FAM81B: variants seen among roughly 807,000 people sequenced by gnomAD.
The protein encoded by FAM81B is protein FAM81B.
In FAM81B, 60 loss-of-function variants were observed where a neutral mutation model predicts 58.7. That is an observed-to-expected ratio of 1.02 (90% CI 0.83 to 1.27). The LOEUF (loss-of-function observed/expected upper bound fraction) is 1.27, where lower values mean the gene tolerates loss of function less well. Ranked by LOEUF, FAM81B falls within the 50% of genes most tolerant of loss-of-function variation. FAM81B has a pLI of 0.00. For missense variants in FAM81B, 491 were observed against 522.0 expected (o/e 0.94, Z 0.58); for synonymous variants, 189 against 179.6 (o/e 1.05, Z -0.42).
chr5:95,391,634 A>AGGT, intron 1 of FAM81B, 121 bp downstream of exon 1: 1 of 1,112,206 alleles, frequency 9.0e-7, no homozygotes, highest in Non-Finnish European at 1.2e-6. Context: ...CTTGGGCACA[A>AGGT]CAGAGTAATA....
intron 6 of FAM81B, among the ~76,000 whole-genome samples, chr5:95,432,361 G>T (rs922571290): frequency 2.6e-5 from 4 of 151,930 alleles, no homozygotes; most frequent in African/African-American, 4.8e-5. Flanking sequence ...ATCGTTTTCA[G>T]ATTTTGGAAT....
Position 95,417,385 on chromosome 5 carries a change from C to T in FAM81B, c.538-2899C>T, listed in dbSNP as rs551710601. ...TTAAAGTAACAATTTTGGCTGAGTGCCTGTGGCTCACAACTGTGATCCCAG... is the reference window on the plus strand; with the variant it reads ...TTAAAGTAACAATTTTGGCTGAGTGTCTGTGGCTCACAACTGTGATCCCAG... On this transcript the variant is annotated intron_variant, in intron 4 of 9. Transcript: ENST00000283357. Among the ~76,000 whole-genome samples the T allele has an allele frequency of 3.3e-5, 5 of 152,136 alleles. No individual in the cohort carries two copies. The South Asian group carries it at 8.3e-4, about 25-fold the overall frequency.
At chr5:95,397,762 T>C (rs907279716) in intron 3 of FAM81B, among the ~76,000 whole-genome samples, 1 of 152,260 alleles carries the variant, frequency 6.6e-6, no homozygotes, top group African/African-American at 2.4e-5. Context: ...CTTCTCTTAC[T>C]ATCTAAACCA....
intron 3 of FAM81B, among the ~76,000 whole-genome samples, chr5:95,411,090 A>G (rs899908162): frequency 4.5e-4 from 69 of 152,322 alleles, no homozygotes; most frequent in South Asian, 2.1e-4. Context: ...TGTCATGTTC[A>G]TGTATAAAAA....
intron 3 of FAM81B, among the ~76,000 whole-genome samples, chr5:95,400,433 T>TACATACATACATACACACACAC (rs778492178): frequency 7.2e-6 from 1 of 137,998 alleles, no homozygotes; most frequent in African/African-American, 3.0e-5. Flanking sequence ...CATACATACA[T>TACATACATACATACACACACAC]ACACACACAC....
intron 7 of FAM81B, among the ~76,000 whole-genome samples, chr5:95,445,102 C>T (rs1321816645): frequency 6.6e-6 from 1 of 152,110 alleles, no homozygotes; most frequent in Non-Finnish European, 1.5e-5. Context: ...TAATAATTAG[C>T]CCAAACACTT....
At chr5:95,410,307 C>T (rs914790773) in intron 3 of FAM81B, among the ~76,000 whole-genome samples, 1 of 152,152 alleles carries the variant, frequency 6.6e-6, no homozygotes, top group Non-Finnish European at 1.5e-5. Context: ...ATGACTTCCT[C>T]AGTCAGCTGC....
intron 6 of FAM81B, among the ~76,000 whole-genome samples, chr5:95,436,100 T>A (rs1436846524): frequency 6.6e-6 from 1 of 152,352 alleles, no homozygotes; most frequent in African/African-American, 2.4e-5. Flanking sequence ...AGTTTAGGCA[T>A]GATTATGGGT....
chr5:95,418,101 G>A (rs147399264), intron 4 of FAM81B, among the ~76,000 whole-genome samples: 25 of 152,300 alleles, frequency 1.6e-4, no homozygotes, highest in African/African-American at 5.5e-4. Context: ...GCTGTTCTGA[G>A]TAGCGGGATG....
chr5:95,450,376 G>T lies in FAM81B; in HGVS notation c.*94G>T. ...AGTTACTATCTCTGGGATGTTTACT[G>T]CTTCTAATGTCTCCTTTTAAGGAGA... On this transcript the variant is annotated 3_prime_UTR_variant, in exon 10 of 10. Coordinates refer to ENST00000283357, the MANE Select transcript of FAM81B (RefSeq NM_152548.3). 1 of 1,558,132 alleles carries T rather than the reference G, an allele frequency of 6.4e-7. No individual in the cohort carries two copies. Among genetic ancestry groups the T allele is most frequent in the Non-Finnish European group, 8.6e-7 (1 of 1,159,344 alleles).
chr5:95,440,052 C>A, intron 7 of FAM81B: 2 of 445,108 alleles, frequency 4.5e-6, no homozygotes. Flanking sequence ...TAAGGTTAAC[C>A]TTTGTTTGGC....
At position 95,391,445 on chromosome 5, in the gene FAM81B, A is replaced by T; in HGVS notation, c.56A>T (p.Gln19Leu). ...LASSEKRKKS[Q>L]RLFFKNIKST... is the part of the protein sequence containing the mutation. ...TCCTCAGAAAAAAGAAAAAAATCAC[A>T]GAGATTGTTTTTCAAAAATATCAAA... Residue 19 changes from glutamine to leucine, a missense_variant, in exon 1 of 10, where the codon CAG becomes CTG. Transcript: ENST00000283357. The T allele has an allele frequency of 2.5e-6, 4 of 1,613,764 alleles. No homozygotes were observed. Among genetic ancestry groups the T allele is most frequent in the Non-Finnish European group, 3.4e-6 (4 of 1,179,742 alleles).
At chr5:95,414,471 T>C (rs540346699) in intron 4 of FAM81B, among the ~76,000 whole-genome samples, 1 of 152,352 alleles carries the variant, frequency 6.6e-6, no homozygotes, top group East Asian at 1.9e-4. Flanking sequence ...AAGATGCTTA[T>C]GTTAGCCTAA....
At position 95,415,844 on chromosome 5, in the gene FAM81B, G is replaced by A. The variant is rs376290874; in HGVS notation, c.537+1654G>A. 1.7e-4 allele frequency among the ~76,000 whole-genome samples: 26 copies of A among 152,210 alleles called. 1 individual carries two copies. The highest frequency in any genetic ancestry group is 5.8e-4 in the East Asian group (3 of 5,184). ...CCCAGATGTACACTTTGACTTGTGCGTTCAATACATATTATACCCCAGTAA... is the reference window on the plus strand; with the variant it reads ...CCCAGATGTACACTTTGACTTGTGCATTCAATACATATTATACCCCAGTAA... On this transcript the variant is annotated intron_variant, in intron 4 of 9. Transcript: ENST00000283357.
At chr5:95,426,092 G>GTA (rs201172690) in intron 5 of FAM81B, among the ~76,000 whole-genome samples, 5,490 of 84,444 alleles carry the variant, frequency 0.065, 163 homozygotes, top group Admixed American at 0.086. Flanking sequence ...CTATCTCTGT[G>GTA]TGTATATATA....
chr5:95,397,056 C>T (rs1761982872), intron 3 of FAM81B: 1 of 152,184 alleles, frequency 6.6e-6, no homozygotes, highest in Non-Finnish European at 1.5e-5. Context: ...ACACCTTGAA[C>T]TTCGATTTTT....
intron 9 of FAM81B, among the ~76,000 whole-genome samples, chr5:95,449,251 C>T (rs1582836072): frequency 6.6e-6 from 1 of 152,258 alleles, no homozygotes; most frequent in East Asian, 1.9e-4. Context: ...GGGTCTCAAT[C>T]TGCCAGATGT....
chr5:95,418,698 G>A (rs755302116), intron 4 of FAM81B, among the ~76,000 whole-genome samples: 9 of 152,248 alleles, frequency 5.9e-5, no homozygotes, highest in Non-Finnish European at 1.0e-4. Flanking sequence ...GTCTTAGAAC[G>A]TATCCCCCTT....
In FAM81B at chr5:95,414,084, A is replaced by AG; in HGVS notation, c.435dup (p.Thr146AspfsTer34). On this transcript the variant is annotated frameshift_variant, in exon 4 of 10. Coordinates refer to ENST00000283357, the MANE Select transcript of FAM81B (RefSeq NM_152548.3). LOFTEE classifies it high-confidence loss of function. ...AAGGAGGACATCTCTGCTTGCCTGC[A>AG]GGGGACCCATGGCTTTCGAAAAGAG... is the stretch of plus-strand genomic sequence containing the variant. 4 of 1,614,128 alleles carry AG rather than the reference A, an allele frequency of 2.5e-6. No homozygotes were observed. The highest frequency in any genetic ancestry group is 3.4e-6 in the Non-Finnish European group (4 of 1,180,010).
Sources: allele counts gnomAD v4.1 joint callset (sites outside exome capture counted in the v4.1 genomes callset), GRCh38; gene constraint gnomAD v4.1.1; transcripts MANE v1.5; gene names NCBI Gene and HGNC (gene_info 2026-07-23, HGNC 2026-07-21).